SMOC2: variants seen among roughly 807,000 people sequenced by gnomAD.
SMOC2 encodes SPARC related modular calcium binding 2.
Under a neutral mutation model 61.4 loss-of-function variants are expected in SMOC2, and 39 were observed. The observed-to-expected ratio is 0.64, with a 90% CI of 0.49 to 0.83. The LOEUF (loss-of-function observed/expected upper bound fraction) is 0.83. Ranked by LOEUF, SMOC2 falls within the 40% of genes least tolerant of loss-of-function variation. SMOC2 has a pLI of 0.00. For synonymous variants in SMOC2, 247 were observed against 239.9 expected, an observed-to-expected ratio of 1.03 and a Z score of -0.27; for missense variants, 556 against 592.9, an observed-to-expected ratio of 0.94 and a Z score of 0.65.
intron 7 of SMOC2, among the ~76,000 whole-genome samples, chr6:168,585,177 T>C (rs747167976): frequency 2.6e-5 from 4 of 152,146 alleles, no homozygotes; most frequent in Non-Finnish European, 5.9e-5. Flanking sequence ...CAGGCTGACA[T>C]CAAACCCCTG....
chr6:168,493,282 C>G (rs1782512554), intron 1 of SMOC2, among the ~76,000 whole-genome samples: 1 of 152,126 alleles, frequency 6.6e-6, no homozygotes, highest in Admixed American at 6.5e-5. Flanking sequence ...GGAGATCCAC[C>G]TGCCTCGGCC....
intron 1 of SMOC2, among the ~76,000 whole-genome samples, chr6:168,447,183 C>T (rs1205156247): frequency 1.3e-5 from 2 of 152,172 alleles, no homozygotes; most frequent in Non-Finnish European, 2.9e-5. Flanking sequence ...TCCCCTGCCT[C>T]AGCCTCCTGA....
intron 1 of SMOC2, among the ~76,000 whole-genome samples, chr6:168,466,580 T>C (rs1188685655): frequency 6.6e-6 from 1 of 152,246 alleles, no homozygotes; most frequent in Non-Finnish European, 1.5e-5. Flanking sequence ...CCCTTTGCTC[T>C]TCTCAGTTGT....
chr6:168,518,369 C>A (rs889053177), intron 2 of SMOC2, among the ~76,000 whole-genome samples: 7 of 150,144 alleles, frequency 4.7e-5, no homozygotes, highest in African/African-American at 1.7e-4. Context: ...AATGTGTGTT[C>A]ATGTGCATTG....
intron 9 of SMOC2, among the ~76,000 whole-genome samples, chr6:168,630,085 G>T (rs1207435748): frequency 1.3e-5 from 2 of 152,140 alleles, no homozygotes. Context: ...TGAGATGGTT[G>T]CAGCGTCTCG....
intron 4 of SMOC2, among the ~76,000 whole-genome samples, chr6:168,543,144 T>G (rs1783910062): frequency 6.6e-6 from 1 of 152,216 alleles, no homozygotes; most frequent in East Asian, 1.9e-4. Context: ...GGTCACACAT[T>G]AGTTAGTAGA....
chr6:168,657,789 G>A (rs920806374), intron 11 of SMOC2, among the ~76,000 whole-genome samples: 2 of 152,094 alleles, frequency 1.3e-5, no homozygotes, highest in Non-Finnish European at 2.9e-5. Context: ...AAGAGAGAGA[G>A]AGCAAGGGGG....
At chr6:168,532,326 C>G (rs1001957806) in intron 4 of SMOC2, among the ~76,000 whole-genome samples, 10 of 152,152 alleles carry the variant, frequency 6.6e-5, no homozygotes, top group African/African-American at 2.4e-4. Context: ...GTCCTTCGTC[C>G]TGGGATTGGG....
At chr6:168,517,314 C>T (rs1021728477) in intron 2 of SMOC2, among the ~76,000 whole-genome samples, 7 of 152,194 alleles carry the variant, frequency 4.6e-5, no homozygotes, top group African/African-American at 1.7e-4. Flanking sequence ...GCTGTGAGGC[C>T]CAGCAGGGGT....
intron 9 of SMOC2, among the ~76,000 whole-genome samples, chr6:168,626,260 C>T (rs79026970): frequency 0.027 from 4,183 of 152,296 alleles, 212 homozygotes; most frequent in African/African-American, 0.096. Flanking sequence ...TTTCTGCTCC[C>T]TGTGCAGAAG....
intron 1 of SMOC2, among the ~76,000 whole-genome samples, chr6:168,464,215 A>C (rs1158862466): frequency 6.7e-6 from 1 of 150,172 alleles, no homozygotes; most frequent in Non-Finnish European, 1.5e-5. Context: ...GGAAGGAAGA[A>C]AGGAAGGAAG....
At chr6:168,597,869 C>T (rs562457827) in intron 7 of SMOC2, among the ~76,000 whole-genome samples, 2 of 152,202 alleles carry the variant, frequency 1.3e-5, no homozygotes, top group South Asian at 2.1e-4. Flanking sequence ...GTTGCCAGCA[C>T]GCACTTATTC....
At chr6:168,546,473 G>A (rs369693301) in intron 5 of SMOC2, among the ~76,000 whole-genome samples, 8 of 152,240 alleles carry the variant, frequency 5.3e-5, no homozygotes, top group Admixed American at 3.3e-4. Flanking sequence ...TGGAAAATGC[G>A]AGTCTATGGG....
At chr6:168,637,571 C>T (rs1490622631) in intron 9 of SMOC2, among the ~76,000 whole-genome samples, 1 of 152,206 alleles carries the variant, frequency 6.6e-6, no homozygotes, top group Non-Finnish European at 1.5e-5. Context: ...GAGAAGCATA[C>T]AGCTGAGCTG....
intron 6 of SMOC2, among the ~76,000 whole-genome samples, chr6:168,547,804 T>G (rs1013964345): frequency 6.6e-6 from 1 of 152,042 alleles, no homozygotes; most frequent in Non-Finnish European, 1.5e-5. Flanking sequence ...CCCACTGTTT[T>G]TCCTGATGTC....
intron 8 of SMOC2, among the ~76,000 whole-genome samples, chr6:168,599,435 TCACACA>T (rs749321684): frequency 2.1e-5 from 1 of 46,620 alleles, no homozygotes; most frequent in Non-Finnish European, 3.9e-5. Flanking sequence ...ACACCCACAC[TCACACA>T]CACATTCGTA....
chr6:168,600,208 C>G (rs76307059), intron 8 of SMOC2, among the ~76,000 whole-genome samples: 10,250 of 151,948 alleles, frequency 0.067, 411 homozygotes, highest in Admixed American at 0.13. Flanking sequence ...GAGTTTGAGA[C>G]CAGCCTGGAC....
intron 2 of SMOC2, among the ~76,000 whole-genome samples, chr6:168,515,320 A>G (rs938368591): frequency 6.6e-6 from 1 of 152,216 alleles, no homozygotes; most frequent in African/African-American, 2.4e-5. Flanking sequence ...GCAGCTGCCA[A>G]GGCGGCAAAC....
chr6:168,603,493 C>T (rs1233557894), intron 8 of SMOC2, among the ~76,000 whole-genome samples: 1 of 152,024 alleles, frequency 6.6e-6, no homozygotes, highest in South Asian at 2.1e-4. Context: ...CTGAAAAACA[C>T]TCACATTTAT....
Sources: gnomAD v4.1 joint callset for allele counts (sites outside exome capture counted in the v4.1 genomes callset) on GRCh38, gnomAD v4.1.1 for gene constraint, MANE v1.5 for transcripts, NCBI Gene and HGNC (gene_info 2026-07-23, HGNC 2026-07-21) for gene names.